Variants in LINGO2 observed in about 807,000 individuals in gnomAD.
LINGO2 encodes leucine-rich repeat and immunoglobulin-like domain-containing nogo receptor-interacting protein 2.
LINGO2 carries 14 observed loss-of-function variants against 30.6 expected under a neutral mutation model. The observed-to-expected ratio is 0.46, with a 90% confidence interval of 0.30 to 0.72. LINGO2 has a LOEUF of 0.72. Ranked by LOEUF, LINGO2 falls within the 30% of genes least tolerant of loss-of-function variation. The probability of loss-of-function intolerance (pLI) is 0.07; values close to 1 mark genes in which losing one functional copy is unlikely to be tolerated. For synonymous variants in LINGO2, 317 were observed against 288.5 expected, an observed-to-expected ratio of 1.10 and a Z score of -1.00; for missense variants, 729 against 751.7, an observed-to-expected ratio of 0.97 and a Z score of 0.35.
chr9:28,885,358 T>TACAC, the LINGO2 span, among the ~76,000 whole-genome samples: 104 of 142,172 alleles, frequency 7.3e-4, no homozygotes, highest in African/African-American at 2.7e-3. Context: ...GATATATATA[T>TACAC]ATACACACAC....
chr9:27,997,126 C>A (rs536165866), intron 5 of LINGO2, among the ~76,000 whole-genome samples: 1 of 152,282 alleles, frequency 6.6e-6, no homozygotes, highest in East Asian at 1.9e-4. Flanking sequence ...TATAATGACT[C>A]TTGCTGGCTT....
At chr9:27,953,505 C>T (rs905477276) in intron 5 of LINGO2, among the ~76,000 whole-genome samples, 3 of 151,904 alleles carry the variant, frequency 2.0e-5, no homozygotes, top group African/African-American at 4.8e-5. Flanking sequence ...AATTATAATT[C>T]CCATAATCCC....
At chr9:28,874,423 TTGTTAACTATCGAGCAC>T in the LINGO2 span, among the ~76,000 whole-genome samples, 1 of 152,078 alleles carries the variant, frequency 6.6e-6, no homozygotes, top group African/African-American at 2.4e-5. Context: ...TACCAAACAT[TTGTTAACTATCGAGCAC>T]TGTTTTTAAG....
At chr9:28,857,380 G>A in the LINGO2 span, among the ~76,000 whole-genome samples, 1 of 152,094 alleles carries the variant, frequency 6.6e-6, no homozygotes, top group Admixed American at 6.6e-5. Context: ...TTATATGAAC[G>A]TATTTCTGTT....
At chr9:28,277,434 G>A (rs1823155714) in intron 4 of LINGO2, among the ~76,000 whole-genome samples, 1 of 151,986 alleles carries the variant, frequency 6.6e-6, no homozygotes, top group African/African-American at 2.4e-5. Context: ...TTGAAATTAG[G>A]CCAATTAGTA....
chr9:28,538,589 A>G (rs1821536146), intron 1 of LINGO2, among the ~76,000 whole-genome samples: 1 of 152,182 alleles, frequency 6.6e-6, no homozygotes, highest in South Asian at 2.1e-4. Context: ...TAATTTATAA[A>G]CAACATAAAT....
At chr9:28,016,664 G>A in intron 4 of LINGO2, among the ~76,000 whole-genome samples, 1 of 84,176 alleles carries the variant, frequency 1.2e-5, no homozygotes, top group African/African-American at 4.9e-5. Context: ...ATATCAATGA[G>A]TTCCCAAATT....
chr9:28,657,968 T>G (rs1249595161), intron 1 of LINGO2, among the ~76,000 whole-genome samples: 1 of 152,082 alleles, frequency 6.6e-6, no homozygotes, highest in Non-Finnish European at 1.5e-5. Context: ...ACTCTTGAGA[T>G]ATTTTTTCCA....
chr9:28,290,030 T>C (rs575030157), intron 4 of LINGO2, among the ~76,000 whole-genome samples: 1 of 152,330 alleles, frequency 6.6e-6, no homozygotes, highest in Non-Finnish European at 1.5e-5. Flanking sequence ...GTACATGTCT[T>C]CCTTTCTAGT....
At chr9:28,543,937 G>A (rs1821817553) in intron 1 of LINGO2, among the ~76,000 whole-genome samples, 1 of 151,994 alleles carries the variant, frequency 6.6e-6, no homozygotes, top group African/African-American at 2.4e-5. Context: ...GGACACAGTG[G>A]CTCACACCTG....
chr9:28,875,945 G>A, the LINGO2 span, among the ~76,000 whole-genome samples: 3 of 151,978 alleles, frequency 2.0e-5, no homozygotes, highest in African/African-American at 7.2e-5. Context: ...TTTAACAGAA[G>A]AGGTATTAAT....
the LINGO2 span, among the ~76,000 whole-genome samples, chr9:28,748,990 G>T: frequency 6.6e-6 from 1 of 151,830 alleles, no homozygotes; most frequent in African/African-American, 2.4e-5. Context: ...GTGAAATGCA[G>T]CCTCCTTTTG....
chr9:28,883,628 G>GTGTGTATGTATA, the LINGO2 span, among the ~76,000 whole-genome samples: 6,175 of 63,920 alleles, frequency 0.097, 1,440 homozygotes, highest in South Asian at 0.15. Context: ...ATGTGTGTGT[G>GTGTGTATGTATA]TATATATATA....
chr9:27,957,070 G>C (rs1351231862), intron 5 of LINGO2, among the ~76,000 whole-genome samples: 1 of 152,122 alleles, frequency 6.6e-6, no homozygotes. Flanking sequence ...TCCAGTCTGG[G>C]TGACAGTGAG....
the LINGO2 span, among the ~76,000 whole-genome samples, chr9:29,051,217 T>G: frequency 6.6e-6 from 1 of 152,140 alleles, no homozygotes; most frequent in African/African-American, 2.4e-5. Context: ...TTGGACAAAT[T>G]TATACTGACA....
chr9:29,077,511 C>T, the LINGO2 span, among the ~76,000 whole-genome samples: 2 of 151,990 alleles, frequency 1.3e-5, no homozygotes, highest in African/African-American at 2.4e-5. Flanking sequence ...CTTTATTAAA[C>T]ATTCAACGAA....
chr9:28,595,219 G>C (rs1423761491), intron 1 of LINGO2, among the ~76,000 whole-genome samples: 1 of 152,062 alleles, frequency 6.6e-6, no homozygotes, highest in Non-Finnish European at 1.5e-5. Flanking sequence ...GTGAAGTTAA[G>C]TGGATGCCAC....
At chr9:28,444,002 C>A (rs1000237644) in intron 2 of LINGO2, among the ~76,000 whole-genome samples, 1 of 152,138 alleles carries the variant, frequency 6.6e-6, no homozygotes, top group South Asian at 2.1e-4. Context: ...TTTCTCCCTT[C>A]TGAGCCCATA....
At chr9:28,576,884 G>A (rs1003728415) in intron 1 of LINGO2, among the ~76,000 whole-genome samples, 21 of 152,116 alleles carry the variant, frequency 1.4e-4, no homozygotes, top group Non-Finnish European at 1.2e-4. Flanking sequence ...GATAAGAAGT[G>A]GAGTCCCATG....
Sources: allele counts gnomAD v4.1 joint callset (sites outside exome capture counted in the v4.1 genomes callset), GRCh38; gene constraint gnomAD v4.1.1; transcripts MANE v1.5; gene names NCBI Gene and HGNC (gene_info 2026-07-23, HGNC 2026-07-21).